IFI16: variants seen among roughly 807,000 people sequenced by gnomAD.
The protein encoded by IFI16 is gamma-interferon-inducible protein 16.
IFI16 carries 49 observed loss-of-function variants against 68.4 expected under a neutral mutation model. That is an observed-to-expected ratio of 0.72 (90% confidence interval 0.57 to 0.91). The LOEUF (loss-of-function observed/expected upper bound fraction) is 0.91, where lower values mean the gene tolerates loss of function less well. IFI16 is among the 40% of genes least tolerant of loss of function. The pLI is 0.00. For missense variants in IFI16, 878 were observed against 942.9 expected (o/e 0.93, Z 0.90); for synonymous variants, 307 against 315.0 (o/e 0.97, Z 0.27).
chr1:159,052,186 A>C (rs1348884744), intron 10 of IFI16, 88 bp downstream of exon 10: 32 of 1,037,764 alleles, frequency 3.1e-5, no homozygotes, highest in Non-Finnish European at 4.2e-5. Flanking sequence ...TGGTCAACTT[A>C]CTCAACACAG....
intron 8 of IFI16, among the ~76,000 whole-genome samples, chr1:159,047,318 A>G (rs1443776753): frequency 6.7e-6 from 1 of 149,794 alleles, no homozygotes; most frequent in African/African-American, 2.4e-5. Flanking sequence ...CCCCCTATAT[A>G]GTCTTTCCTG....
upstream of IFI16, among the ~76,000 whole-genome samples, chr1:159,003,966 G>A (rs1218610659): frequency 2.0e-5 from 3 of 152,068 alleles, no homozygotes; most frequent in Non-Finnish European, 4.4e-5. Context: ...AGCCAATTCT[G>A]TATTATTTTG....
At chr1:159,044,183 C>G (rs574710565) in intron 7 of IFI16, among the ~76,000 whole-genome samples, 35 of 152,124 alleles carry the variant, frequency 2.3e-4, no homozygotes, top group Admixed American at 1.6e-3. Flanking sequence ...CTAGTCCCAT[C>G]TCACATGTGG....
intron 7 of IFI16, among the ~76,000 whole-genome samples, chr1:159,042,303 A>G (rs74122241): frequency 0.027 from 2,524 of 94,768 alleles, 84 homozygotes; most frequent in African/African-American, 0.093. Flanking sequence ...ATCTTCTGCC[A>G]TGTCTCCCTT....
chr1:159,047,317 T>C (rs1352665465), intron 8 of IFI16, among the ~76,000 whole-genome samples: 4 of 150,192 alleles, frequency 2.7e-5, no homozygotes, highest in South Asian at 2.1e-4. Context: ...TCCCCCTATA[T>C]AGTCTTTCCT....
At chr1:159,005,589 A>G (rs1481732690), upstream of IFI16, among the ~76,000 whole-genome samples, 2 of 152,338 alleles carry the variant, frequency 1.3e-5, no homozygotes, top group East Asian at 1.9e-4. Context: ...TTTGAGCAAC[A>G]GGAAAAGTAG....
In IFI16 at chr1:159,054,886, A is replaced by C. The variant is rs1433693340; in HGVS notation, c.2343A>C (p.Pro781=). 6 of 1,591,208 alleles carry C rather than the reference A, an allele frequency of 3.8e-6. No individual in the cohort carries two copies. The Admixed American group carries it at 1.0e-4, about 27-fold the overall frequency. The change falls in exon 12 of 12, where the codon CCA becomes CCC. Residue 781 remains proline (P), a synonymous_variant. Transcript: ENST00000295809. ...CTGATTCAAGTATGGAAACTTCACC[A>C]GACTTTTTCTTCTAAAATCTGGATG... ...LNPDSSMETS[P]DFFF
intron 7 of IFI16, 90 bp downstream of exon 7, chr1:159,032,781 T>C (rs1441152160): frequency 5.1e-6 from 5 of 981,804 alleles, no homozygotes; most frequent in Non-Finnish European, 7.1e-6. Context: ...CTGTAATCTC[T>C]GTGAATGGAT....
Position 159,014,703 on chromosome 1 carries a change from T to C in IFI16, c.23T>C (p.Ile8Thr). Residue 8 changes from isoleucine to threonine, a missense_variant, in exon 2 of 12, where the codon ATT becomes ACT. Around this residue, in one of 4 missense-constraint regions of IFI16, gnomAD observed 65 missense variants for 96.9 expected, o/e 0.67. Transcript: ENST00000295809. ...AAGATGGGAAAAAAATACAAGAACA[T>C]TGTTCTACTAAAAGGATTAGAGGTC... MGKKYKN[I>T]VLLKGLEVIN... 6.2e-7 allele frequency: 1 copy of C among 1,601,408 alleles called. No individual in the cohort carries two copies. The highest frequency in any genetic ancestry group is 1.1e-5 in the South Asian group (1 of 89,184).
At chr1:159,008,758 G>C (rs756471856), upstream of IFI16, among the ~76,000 whole-genome samples, 6 of 152,092 alleles carry the variant, frequency 3.9e-5, no homozygotes, top group Non-Finnish European at 8.8e-5. Flanking sequence ...GATCCTCTTT[G>C]CTTTTTCTTG....
intron 6 of IFI16, among the ~76,000 whole-genome samples, chr1:159,028,430 A>G (rs1288372438): frequency 1.3e-5 from 2 of 152,086 alleles, no homozygotes; most frequent in African/African-American, 4.8e-5. Flanking sequence ...TTTGTGGCCT[A>G]TTATATGGCC....
Position 159,053,550 on chromosome 1 carries a change from A to T in IFI16, c.2103A>T (p.Glu701Asp). 1 of 1,606,114 alleles carries T rather than the reference A, an allele frequency of 6.2e-7. No homozygotes were observed. The highest frequency in any genetic ancestry group is 2.2e-5 in the East Asian group (1 of 44,774). Residue 701 changes from glutamate (E) to aspartate (D), a missense_variant, in exon 11 of 12, where the codon GAA (glutamate) becomes GAT (aspartate). Physicochemically the swap from Glu to Asp is conservative, Grantham distance 45. This residue lies in a region of IFI16 where 311 missense variants were observed against 305.1 expected (regional missense o/e 1.02). Transcript: ENST00000295809. Reference sequence around the variant, plus strand: ...TTTTGCAGAAAAATGTAAGGGGTGAATTCACTTATTATGAAATACAAGATA... The same window carrying T: ...TTTTGCAGAAAAATGTAAGGGGTGATTTCACTTATTATGAAATACAAGATA... ...FEVHKKNVRG[E>D]FTYYEIQDNT...
At chr1:159,013,527 A>G (rs61830000) in intron 1 of IFI16, among the ~76,000 whole-genome samples, 3 of 152,210 alleles carry the variant, frequency 2.0e-5, no homozygotes, top group African/African-American at 7.2e-5. Flanking sequence ...CATTCCTAAA[A>G]TTAAAAAATT....
intron 3 of IFI16, 79 bp downstream of exon 3, chr1:159,016,066 C>A: frequency 1.2e-6 from 1 of 857,298 alleles, no homozygotes; most frequent in Non-Finnish European, 1.9e-6. Flanking sequence ...ATCTCTCCAG[C>A]AGGCAGTTAT....
intron 7 of IFI16, among the ~76,000 whole-genome samples, chr1:159,042,756 C>A (rs113266470): frequency 0.043 from 6,480 of 152,234 alleles, 175 homozygotes; most frequent in Non-Finnish European, 0.066. Flanking sequence ...TTATAGATAC[C>A]CTTTCCTAGG....
At chr1:159,005,660 T>C (rs975621613), upstream of IFI16, among the ~76,000 whole-genome samples, 1 of 152,092 alleles carries the variant, frequency 6.6e-6, no homozygotes, top group Non-Finnish European at 1.5e-5. Flanking sequence ...GAGAGAAGCC[T>C]TGAGGTTGGA....
At chr1:159,044,355 T>C (rs561425078) in intron 7 of IFI16, among the ~76,000 whole-genome samples, 2 of 151,846 alleles carry the variant, frequency 1.3e-5, no homozygotes, top group African/African-American at 4.8e-5. Flanking sequence ...TTAAAATGTC[T>C]GCAGTTTATT....
At chr1:159,036,399 G>A (rs1654332415) in intron 7 of IFI16, among the ~76,000 whole-genome samples, 1 of 152,176 alleles carries the variant, frequency 6.6e-6, no homozygotes, top group South Asian at 2.1e-4. Flanking sequence ...CCCAGATGAT[G>A]TTATTGTCAG....
chr1:159,050,586 T>A (rs1028074850), intron 9 of IFI16, among the ~76,000 whole-genome samples: 4 of 152,184 alleles, frequency 2.6e-5, no homozygotes, highest in African/African-American at 9.7e-5. Flanking sequence ...ATCACATTGC[T>A]GGTCTGTGGA....
Sources: gnomAD v4.1 joint callset for allele counts (sites outside exome capture counted in the v4.1 genomes callset) on GRCh38, gnomAD v4.1.1 for gene constraint, gnomAD v4.1.1 regional missense constraint, MANE v1.5 for transcripts, NCBI Gene and HGNC (gene_info 2026-07-23, HGNC 2026-07-21) for gene names.